MYRFL: variants seen among roughly 807,000 people sequenced by gnomAD.
The protein encoded by MYRFL is myelin regulatory factor like.
Under a neutral mutation model 109.4 loss-of-function variants are expected in MYRFL, and 88 were observed. That is an observed-to-expected ratio of 0.80 (90% confidence interval 0.68 to 0.96). The LOEUF is 0.96. Ranked by LOEUF, MYRFL falls within the 40% of genes least tolerant of loss-of-function variation. The pLI, the probability that MYRFL is intolerant of heterozygous loss-of-function variation, is 0.00. For synonymous variants in MYRFL, 324 were observed against 320.9 expected, an observed-to-expected ratio of 1.01 and a Z score of -0.10; for missense variants, 957 against 954.9, an observed-to-expected ratio of 1.00 and a Z score of -0.03.
intron 19 of MYRFL, 91 bp from the exon 20 acceptor site, chr12:69,952,022 T>C (rs528314895): frequency 9.5e-7 from 1 of 1,048,216 alleles, no homozygotes; most frequent in Admixed American, 2.1e-5. Flanking sequence ...GGGGGAACAC[T>C]CAACTCACAG....
At chr12:69,886,353 CA>C (rs1886449455) in intron 5 of MYRFL, among the ~76,000 whole-genome samples, 2 of 152,142 alleles carry the variant, frequency 1.3e-5, no homozygotes, top group African/African-American at 4.8e-5. Flanking sequence ...CTTGCAGGTT[CA>C]AACCTCATGG....
At chr12:69,838,286 G>T (rs1883061232) in intron 1 of MYRFL, among the ~76,000 whole-genome samples, 1 of 152,084 alleles carries the variant, frequency 6.6e-6, no homozygotes, top group Non-Finnish European at 1.5e-5. Flanking sequence ...GCCTGTGGGT[G>T]GTGTCTCCTC....
intron 1 of MYRFL, among the ~76,000 whole-genome samples, chr12:69,843,582 C>G (rs529570770): frequency 6.6e-6 from 1 of 152,192 alleles, no homozygotes; most frequent in Non-Finnish European, 1.5e-5. Context: ...CTTCCCTGCT[C>G]ACGCCCTTGG....
intron 2 of MYRFL, among the ~76,000 whole-genome samples, chr12:69,862,181 A>T (rs1396343148): frequency 3.3e-5 from 5 of 150,884 alleles, no homozygotes; most frequent in Admixed American, 1.3e-4. Context: ...GTCAGGTAGC[A>T]TGATGCCTCC....
chr12:69,909,684 C>T (rs1566017896), intron 11 of MYRFL, among the ~76,000 whole-genome samples: 4 of 152,060 alleles, frequency 2.6e-5, no homozygotes, highest in Non-Finnish European at 4.4e-5. Context: ...GCTGGGACCC[C>T]GTAGTGACAG....
chr12:69,903,325 C>T (rs1296240478), intron 10 of MYRFL, among the ~76,000 whole-genome samples: 2 of 152,126 alleles, frequency 1.3e-5, no homozygotes, highest in African/African-American at 4.8e-5. Flanking sequence ...GAAAGATAGC[C>T]ATTTTTAGTT....
At chr12:69,940,124 C>T (rs1377234504) in intron 19 of MYRFL, among the ~76,000 whole-genome samples, 2 of 151,992 alleles carry the variant, frequency 1.3e-5, no homozygotes, top group African/African-American at 4.8e-5. Flanking sequence ...TTGGAAAACA[C>T]TCTGCAGGAT....
chr12:69,878,242 C>A (rs199850838), intron 2 of MYRFL, among the ~76,000 whole-genome samples: 236 of 112,564 alleles, frequency 2.1e-3, no homozygotes, highest in South Asian at 2.7e-3. Context: ...GACTCCATCT[C>A]AAAAAAAAAA....
chr12:69,835,023 T>C (rs1314845370), intron 1 of MYRFL, among the ~76,000 whole-genome samples: 1 of 152,240 alleles, frequency 6.6e-6, no homozygotes, highest in South Asian at 2.1e-4. Flanking sequence ...GATTTTGTTC[T>C]AATTTTATAG....
chr12:69,860,693 T>C (rs183681165), intron 2 of MYRFL, among the ~76,000 whole-genome samples: 7 of 152,244 alleles, frequency 4.6e-5, no homozygotes, highest in African/African-American at 7.2e-5. Context: ...TCCATCTTAA[T>C]ATATTGATTG....
At chr12:69,825,601 G>C (rs1318197868) in intron 1 of MYRFL, 38 bp downstream of exon 1, 1 of 696,770 alleles carries the variant, frequency 1.4e-6, no homozygotes, top group Non-Finnish European at 2.6e-6. Context: ...TGCTGCTTCT[G>C]AGAAATGCTC....
chr12:69,866,625 T>C (rs1485046647), intron 2 of MYRFL, among the ~76,000 whole-genome samples: 1 of 152,180 alleles, frequency 6.6e-6, no homozygotes, highest in Non-Finnish European at 1.5e-5. Flanking sequence ...CCATATTGCC[T>C]ACAATGTGTG....
intron 11 of MYRFL, among the ~76,000 whole-genome samples, chr12:69,904,871 A>G (rs1293310678): frequency 2.0e-5 from 3 of 152,202 alleles, no homozygotes; most frequent in African/African-American, 7.2e-5. Context: ...GTTCACTATT[A>G]GCCCCTCTTC....
intron 22 of MYRFL, among the ~76,000 whole-genome samples, chr12:69,957,065 G>A (rs1013240258): frequency 5.9e-5 from 9 of 152,208 alleles, no homozygotes; most frequent in Admixed American, 2.0e-4. Context: ...TGAGATTGTA[G>A]GTTGCCCCAA....
rs1467411472 is a variant in MYRFL at position 69,903,588 on chromosome 12, A to G, written c.1183-56A>G. The G allele has an allele frequency of 3.3e-6, 5 of 1,496,004 alleles. No individual in the cohort carries two copies. In the Admixed American group the frequency reaches 9.9e-5, roughly 30 times the overall value. The allele number at this position is 1,496,004 out of a possible 1,614,324, so 92.7% of individuals were successfully genotyped here. On this transcript the variant is annotated intron_variant, in intron 10 of 24. Transcript: ENST00000552032. ...TGCCTTTGCTCTGAACACTAATGTG[A>G]TCATCTATTCCTGCTACTGTTACTT... is the stretch of plus-strand genomic sequence containing the variant.
chr12:69,865,733 C>A (rs1308720560), intron 2 of MYRFL, among the ~76,000 whole-genome samples: 12 of 152,074 alleles, frequency 7.9e-5, no homozygotes, highest in Admixed American at 7.9e-4. Flanking sequence ...AATAATGGTC[C>A]TTCCTACCAG....
At chr12:69,904,658 G>T (rs779141068) in intron 11 of MYRFL, among the ~76,000 whole-genome samples, 9 of 152,146 alleles carry the variant, frequency 5.9e-5, no homozygotes, top group Non-Finnish European at 1.2e-4. Context: ...TAAGGATGAG[G>T]ATTAAGCTTC....
chr12:69,899,400 T>A (rs1349827501), intron 10 of MYRFL, among the ~76,000 whole-genome samples: 2 of 152,184 alleles, frequency 1.3e-5, no homozygotes, highest in Non-Finnish European at 2.9e-5. Context: ...GAGGGGCCTA[T>A]ACAGGTGCAT....
chr12:69,870,433 TG>T (rs1400779366), intron 2 of MYRFL, among the ~76,000 whole-genome samples: 1 of 152,158 alleles, frequency 6.6e-6, no homozygotes, highest in Non-Finnish European at 1.5e-5. Flanking sequence ...CTCTGGTGTT[TG>T]TCTGCTTTAT....
Sources: allele counts gnomAD v4.1 joint callset (sites outside exome capture counted in the v4.1 genomes callset), GRCh38; gene constraint gnomAD v4.1.1; transcripts MANE v1.5; gene names NCBI Gene and HGNC (gene_info 2026-07-23, HGNC 2026-07-21).